The following WDR64 variants were observed in gnomAD, a reference collection of about 807,000 sequenced individuals.
WDR64 encodes the protein WD repeat domain 64.
A neutral mutation model predicts 139.3 loss-of-function variants in WDR64; 112 were observed. The observed-to-expected ratio is 0.80, with a 90% confidence interval of 0.69 to 0.94. The LOEUF (loss-of-function observed/expected upper bound fraction) is 0.94. Among genes scored for constraint, WDR64 ranks in the 40% least tolerant of loss-of-function variants. WDR64 has a pLI of 0.00. For synonymous variants in WDR64, 444 were observed against 437.7 expected (o/e 1.01, Z -0.18); for missense variants, 1,206 against 1,293.1 (o/e 0.93, Z 1.03).
At chr1:241,655,592 C>A (rs950415393) in intron 1 of WDR64, among the ~76,000 whole-genome samples, 1 of 152,162 alleles carries the variant, frequency 6.6e-6, no homozygotes, top group African/African-American at 2.4e-5. Flanking sequence ...CCTGGCATTT[C>A]CCTTCATGCA....
chr1:241,769,402 A>G lies in WDR64; in HGVS notation c.2082-2A>G, dbSNP rs1279327873. Reference sequence around the variant, plus strand: ...CTCATATAAATGTATACTTACTTCTAGGTACCGACCTGAAGATTGCTTCAC... The same window carrying G: ...CTCATATAAATGTATACTTACTTCTGGGTACCGACCTGAAGATTGCTTCAC... On this transcript the variant is annotated splice_acceptor_variant, in intron 16 of 27. Coordinates refer to ENST00000437684, the MANE Select transcript of WDR64 (RefSeq NM_001367482.1). LOFTEE classifies it high-confidence loss of function. 1.4e-5 allele frequency: 22 copies of G among 1,550,740 alleles called. No individual in the cohort carries two copies. The highest frequency in any genetic ancestry group is 1.7e-5 in the Non-Finnish European group (20 of 1,146,570).
At chr1:241,752,073 T>C (rs1475841272) in intron 14 of WDR64, among the ~76,000 whole-genome samples, 1 of 152,198 alleles carries the variant, frequency 6.6e-6, no homozygotes, top group African/African-American at 2.4e-5. Context: ...TCCCTTCCTT[T>C]TAACCACAGT....
intron 6 of WDR64, among the ~76,000 whole-genome samples, chr1:241,682,479 G>A (rs1337706986): frequency 6.6e-6 from 1 of 151,832 alleles, no homozygotes; most frequent in Non-Finnish European, 1.5e-5. Flanking sequence ...CTGTTCCATT[G>A]GTCTATGTGC....
chr1:241,746,229 C>T (rs1001090948), intron 13 of WDR64, among the ~76,000 whole-genome samples: 2 of 151,820 alleles, frequency 1.3e-5, no homozygotes, highest in Admixed American at 6.6e-5. Flanking sequence ...CTCTGGGTGT[C>T]GAGCAGGATT....
rs978114399 is a variant in WDR64, at chr1:241,766,116, ATTTTG to A, written c.1948-97_1948-93del. 4.5e-5 allele frequency: 50 copies of A among 1,111,834 alleles called. No homozygotes were observed. The African/African-American group carries it at 7.6e-4, about 17-fold the overall frequency. The allele number at this position is 1,111,834 out of a possible 1,614,324, so 68.9% of individuals were successfully genotyped here. ...ATATTAAAAATATATATAATAAGGC[ATTTTG>A]TTTTAAGTTGATGACAATTACAAAG... On this transcript the variant is annotated intron_variant, in intron 15 of 27. Transcript: ENST00000437684.
intron 2 of WDR64, among the ~76,000 whole-genome samples, chr1:241,669,544 G>A (rs966605438): frequency 6.6e-6 from 1 of 152,108 alleles, no homozygotes; most frequent in African/African-American, 2.4e-5. Flanking sequence ...CTTTTATTGA[G>A]TGCTAATTTT....
intron 11 of WDR64, among the ~76,000 whole-genome samples, chr1:241,740,310 C>A (rs970150728): frequency 2.0e-5 from 3 of 152,214 alleles, no homozygotes; most frequent in Non-Finnish European, 2.9e-5. Context: ...AAGTCAGTTA[C>A]TGTCACTGTA....
intron 3 of WDR64, among the ~76,000 whole-genome samples, chr1:241,673,681 A>G (rs1437888461): frequency 6.6e-6 from 1 of 152,220 alleles, no homozygotes; most frequent in African/African-American, 2.4e-5. Flanking sequence ...GAGGGTGGTA[A>G]TACTAGGGTA....
intron 2 of WDR64, among the ~76,000 whole-genome samples, chr1:241,660,960 T>A (rs947540855): frequency 2.0e-5 from 3 of 152,208 alleles, no homozygotes; most frequent in Non-Finnish European, 4.4e-5. Flanking sequence ...TCATTTCACT[T>A]TATATGAGAT....
intron 14 of WDR64, among the ~76,000 whole-genome samples, chr1:241,753,005 G>A (rs561026442): frequency 6.6e-6 from 1 of 152,182 alleles, no homozygotes; most frequent in East Asian, 1.9e-4. Flanking sequence ...GGCACAAACT[G>A]TAAACAAAGA....
intron 8 of WDR64, among the ~76,000 whole-genome samples, chr1:241,707,428 A>AT (rs1235498702): frequency 3.9e-5 from 6 of 152,072 alleles, no homozygotes; most frequent in Non-Finnish European, 8.8e-5. Flanking sequence ...TGAAAAACTA[A>AT]TTTTTTTAGC....
chr1:241,721,441 CT>C (rs1416327704), intron 9 of WDR64, among the ~76,000 whole-genome samples: 1 of 151,904 alleles, frequency 6.6e-6, no homozygotes, highest in African/African-American at 2.4e-5. Context: ...TTTATACAGC[CT>C]TTTTGTCTAG....
chr1:241,685,953 T>C (rs573851301), intron 7 of WDR64, among the ~76,000 whole-genome samples: 143 of 152,336 alleles, frequency 9.4e-4, no homozygotes, highest in African/African-American at 3.4e-3. Flanking sequence ...ATGGCTCATT[T>C]TTCAATCCCA....
chr1:241,701,618 G>A (rs1558479770), intron 8 of WDR64, among the ~76,000 whole-genome samples: 1 of 152,212 alleles, frequency 6.6e-6, no homozygotes, highest in African/African-American at 2.4e-5. Context: ...CGTCTGAGAA[G>A]AAGTCAGGAA....
At chr1:241,758,744 G>C (rs937993303) in intron 15 of WDR64, among the ~76,000 whole-genome samples, 10 of 152,080 alleles carry the variant, frequency 6.6e-5, no homozygotes, top group African/African-American at 2.4e-4. Flanking sequence ...ATTCTGGATA[G>C]CTTCCAGGTA....
chr1:241,730,684 A>G (rs1669042878), intron 10 of WDR64, among the ~76,000 whole-genome samples: 1 of 152,220 alleles, frequency 6.6e-6, no homozygotes, highest in Non-Finnish European at 1.5e-5. Flanking sequence ...TTTCTACTGC[A>G]TTAATATGTC....
intron 8 of WDR64, among the ~76,000 whole-genome samples, chr1:241,704,879 C>T (rs1667871917): frequency 6.6e-6 from 1 of 152,156 alleles, no homozygotes. Context: ...GACCCATGAC[C>T]TTTACACCAT....
intron 2 of WDR64, among the ~76,000 whole-genome samples, chr1:241,663,989 AT>A (rs2148061396): frequency 6.6e-6 from 1 of 152,338 alleles, no homozygotes; most frequent in South Asian, 2.1e-4. Flanking sequence ...ACATAAATGT[AT>A]TTAACAAGAG....
intron 8 of WDR64, among the ~76,000 whole-genome samples, chr1:241,700,364 A>G (rs1667665489): frequency 6.6e-6 from 1 of 151,900 alleles, no homozygotes; most frequent in Admixed American, 6.6e-5. Context: ...TAGTATTGTC[A>G]TATCTTCCTC....
Sources: gnomAD v4.1 joint callset for allele counts (sites outside exome capture counted in the v4.1 genomes callset) on GRCh38, gnomAD v4.1.1 for gene constraint, MANE v1.5 for transcripts, NCBI Gene and HGNC (gene_info 2026-07-23, HGNC 2026-07-21) for gene names.